TNIP2: variants seen among roughly 807,000 people sequenced by gnomAD.
TNIP2 encodes the protein TNFAIP3 interacting protein 2.
A neutral mutation model predicts 43.7 loss-of-function variants in TNIP2; 30 were observed. That is an observed-to-expected ratio of 0.69 (90% CI 0.51 to 0.93). TNIP2 has a LOEUF of 0.93. Among genes scored for constraint, TNIP2 ranks in the 40% least tolerant of loss-of-function variants. The probability of loss-of-function intolerance (pLI) is 0.00; values close to 1 mark genes in which losing one functional copy is unlikely to be tolerated. For missense variants in TNIP2, 599 were observed against 591.0 expected, an observed-to-expected ratio of 1.01 and a Z score of -0.14; for synonymous variants, 260 against 254.6, an observed-to-expected ratio of 1.02 and a Z score of -0.20.
At position 2,745,500 on chromosome 4, in the gene TNIP2, A is replaced by C. The variant is rs774122704; in HGVS notation, c.603T>G (p.Ser201Arg). ...EHTDGHTSVQSVIEKLQEENR... is the reference protein window; with the variant it reads ...EHTDGHTSVQRVIEKLQEENR... ...TTTCTTCCTGCAACTTCTCAATAAC[A>C]CTCTGGACAGAGGTGTGCCCATCTG... The change falls in exon 3 of 6, where the codon AGT becomes AGG. Residue 201 changes from serine (S) to arginine (R), a missense_variant. Ser to Arg is a moderately radical substitution (Grantham distance 110, BLOSUM62 -1). Coordinates refer to ENST00000315423, the MANE Select transcript of TNIP2 (RefSeq NM_024309.4). 1 of 1,613,726 alleles carries C rather than the reference A, an allele frequency of 6.2e-7. No individual in the cohort carries two copies. The highest frequency in any genetic ancestry group is 8.5e-7 in the Non-Finnish European group (1 of 1,179,858).
chr4:2,742,150 C>T lies in TNIP2; in HGVS notation c.*107G>A. 6.2e-6 allele frequency: 7 copies of T among 1,137,150 alleles called. No homozygotes were observed. Among genetic ancestry groups the T allele is most frequent in the South Asian group, 2.6e-5 (1 of 38,386 alleles). The allele number at this position is 1,137,150 out of a possible 1,614,324, so 70.4% of individuals were successfully genotyped here. A position where few individuals can be genotyped will look rare whatever the true frequency, so the allele number is the denominator to read the frequency against. ...GAGTGCCCCGCAACTATTCTAGGGG[C>T]CTTGGCTCTCAGTAGAGCTCAACCC... On this transcript the variant is annotated 3_prime_UTR_variant, in exon 6 of 6. Coordinates refer to ENST00000315423, the MANE Select transcript of TNIP2 (RefSeq NM_024309.4).
Position 2,755,995 on chromosome 4 carries a change from C to G in TNIP2, c.276+19G>C, listed in dbSNP as rs1237049394. On this transcript the variant is annotated intron_variant, in intron 1 of 5. Transcript: ENST00000315423. Reference sequence around the variant, plus strand: ...ACGCACTCTCGCTCCCGCAGCTCCTCTGGTACCCGCCCTCGTACCTGGCGC... The same window carrying G: ...ACGCACTCTCGCTCCCGCAGCTCCTGTGGTACCCGCCCTCGTACCTGGCGC... 8 of 1,536,422 alleles carry G rather than the reference C, an allele frequency of 5.2e-6. No homozygotes were observed. Among genetic ancestry groups the G allele is most frequent in the African/African-American group, 1.4e-5 (1 of 69,876 alleles).
chr4:2,755,545 C>T (rs1722211294), intron 1 of TNIP2, among the ~76,000 whole-genome samples: 1 of 146,704 alleles, frequency 6.8e-6, no homozygotes, highest in Admixed American at 6.7e-5. Flanking sequence ...AGCCCCCTCA[C>T]CTCCACCAGC....
intron 1 of TNIP2, among the ~76,000 whole-genome samples, chr4:2,752,153 G>A (rs992799238): frequency 1.3e-5 from 2 of 150,102 alleles, no homozygotes; most frequent in Admixed American, 1.3e-4. Flanking sequence ...GAAGAGAAGA[G>A]AAAAGAAAAG....
intron 5 of TNIP2, among the ~76,000 whole-genome samples, chr4:2,743,665 A>G (rs1470616717): frequency 6.6e-6 from 1 of 152,152 alleles, no homozygotes; most frequent in Admixed American, 6.5e-5. Context: ...CCCGGGACGC[A>G]TCGATTCTCA....
In TNIP2 at chr4:2,744,672, C is replaced by T. The variant is rs371032998; in HGVS notation, c.906+25G>A. On this transcript the variant is annotated intron_variant, in intron 4 of 5. Coordinates refer to ENST00000315423, the MANE Select transcript of TNIP2 (RefSeq NM_024309.4). The surrounding 1 kb of genome is among the most constrained non-coding windows in gnomAD (Gnocchi z 5.1). The stretch of plus-strand genomic sequence containing the variant: ...CGGCCAGCAGACATCTGGTCAGTGC[C>T]GTCCGGAGCCCGAGGGACAGACACC... The T allele has an allele frequency of 1.3e-5, 21 of 1,592,916 alleles. No homozygotes were observed. The highest frequency in any genetic ancestry group is 5.3e-5 in the African/African-American group (4 of 74,816).
Position 2,744,588 on chromosome 4 carries a change from C to G in TNIP2, c.907-82G>C. 6.2e-7 allele frequency: 1 copy of G among 1,600,324 alleles called. No individual in the cohort carries two copies. The highest frequency in any genetic ancestry group is 1.1e-5 in the South Asian group (1 of 90,298). On this transcript the variant is annotated intron_variant, in intron 4 of 5. Coordinates refer to ENST00000315423, the MANE Select transcript of TNIP2 (RefSeq NM_024309.4). The surrounding 1 kb of genome is among the most constrained non-coding windows in gnomAD (Gnocchi z 5.1). ...GCTTCTCCCACCCCCACAGTGACCACTGCCCACTCAGTGCCACCAAGCCTT... is the reference window on the plus strand; with the variant it reads ...GCTTCTCCCACCCCCACAGTGACCAGTGCCCACTCAGTGCCACCAAGCCTT...
At chr4:2,752,205 G>A (rs746420916) in intron 1 of TNIP2, among the ~76,000 whole-genome samples, 33 of 152,148 alleles carry the variant, frequency 2.2e-4, no homozygotes, top group Non-Finnish European at 3.1e-4. Context: ...AAGCTAAGCC[G>A]GAAGGGAAAG....
Position 2,748,023 on chromosome 4 carries a change from A to C in TNIP2, c.277-78T>G. On this transcript the variant is annotated intron_variant, in intron 1 of 5. Transcript: ENST00000315423. The stretch of plus-strand genomic sequence containing the variant: ...AGAGCAAATGTTCAGAAAGCAAAAG[A>C]AGACCTGGCGTGGATGCCCCATCAC... The C allele has an allele frequency of 2.0e-6, 3 of 1,503,344 alleles. No individual in the cohort carries two copies. In the Admixed American group the frequency reaches 5.6e-5, roughly 28 times the overall value. 93.1% of individuals were successfully genotyped at this position (1,503,344 alleles called of 1,614,324 possible).
In TNIP2 at chr4:2,744,677, G is replaced by C. The variant is rs777083902; in HGVS notation, c.906+20C>G. On this transcript the variant is annotated intron_variant, in intron 4 of 5. Transcript: ENST00000315423. This position sits in a 1 kb window ranked among gnomAD's most constrained non-coding sequence, Gnocchi z 5.1. ...AGCAGACATCTGGTCAGTGCCGTCCGGAGCCCGAGGGACAGACACCTGCTG... is the reference window on the plus strand; with the variant it reads ...AGCAGACATCTGGTCAGTGCCGTCCCGAGCCCGAGGGACAGACACCTGCTG... The C allele has an allele frequency of 1.9e-6, 3 of 1,594,938 alleles. No individual in the cohort carries two copies. The highest frequency in any genetic ancestry group is 2.6e-6 in the Non-Finnish European group (3 of 1,175,498).
intron 1 of TNIP2, among the ~76,000 whole-genome samples, chr4:2,748,436 A>G (rs1046017657): frequency 1.3e-5 from 2 of 152,104 alleles, no homozygotes; most frequent in Non-Finnish European, 2.9e-5. Flanking sequence ...TCCGCCTCAG[A>G]GGTTCACACC....
At chr4:2,755,877 C>T (rs1722225482) in intron 1 of TNIP2, 137 bp downstream of exon 1, 2 of 1,232,716 alleles carry the variant, frequency 1.6e-6, no homozygotes, top group Non-Finnish European at 2.1e-6. Flanking sequence ...CCTCAGGACC[C>T]GAGGCCAACT....
intron 1 of TNIP2, among the ~76,000 whole-genome samples, chr4:2,752,464 C>T (rs1425153658): frequency 1.3e-5 from 2 of 152,204 alleles, no homozygotes; most frequent in African/African-American, 2.4e-5. Context: ...ACACACTGAC[C>T]GCAGCTTGAT....
In TNIP2 at chr4:2,744,637, C is replaced by T. The variant is rs376297938; in HGVS notation, c.906+60G>A. 4.4e-4 allele frequency: 701 copies of T among 1,581,540 alleles called. 1 individual carries two copies. The highest frequency in any genetic ancestry group is 5.7e-4 in the Non-Finnish European group (668 of 1,167,200). On this transcript the variant is annotated intron_variant, in intron 4 of 5. Transcript: ENST00000315423. This position sits in a 1 kb window ranked among gnomAD's most constrained non-coding sequence, Gnocchi z 5.1. ...TTCAGCCCAGCCTGTCCCATGATTT[C>T]GGCCACCACCGGCCAGCAGACATCT...
chr4:2,755,981 C>T (rs755443971), intron 1 of TNIP2, 33 bp downstream of exon 1: 1 of 1,517,714 alleles, frequency 6.6e-7, no homozygotes, highest in East Asian at 2.7e-5. Context: ...CGCACTCTCG[C>T]TCCCGCAGCT....
chr4:2,748,199 A>T (rs1313120783), intron 1 of TNIP2, among the ~76,000 whole-genome samples: 1 of 151,480 alleles, frequency 6.6e-6, no homozygotes, highest in African/African-American at 2.4e-5. Flanking sequence ...TTTTTGAGAC[A>T]GAGTTTCACT....
chr4:2,750,907 G>C (rs967773095), intron 1 of TNIP2, among the ~76,000 whole-genome samples: 1 of 152,138 alleles, frequency 6.6e-6, no homozygotes, highest in African/African-American at 2.4e-5. Flanking sequence ...CTGAGGGCGT[G>C]GCTCTCTCTT....
chr4:2,747,103 T>C (rs894470822), intron 2 of TNIP2, among the ~76,000 whole-genome samples: 2 of 152,222 alleles, frequency 1.3e-5, no homozygotes, highest in South Asian at 2.1e-4. Flanking sequence ...TCTCCAAGCT[T>C]GCGGGAGGCC....
intron 1 of TNIP2, among the ~76,000 whole-genome samples, chr4:2,752,008 G>A (rs1175646579): frequency 6.6e-6 from 1 of 151,748 alleles, no homozygotes; most frequent in Non-Finnish European, 1.5e-5. Context: ...AGGAGGCTGA[G>A]GCAGGAGAAT....
Sources: gnomAD v4.1 joint callset for allele counts (sites outside exome capture counted in the v4.1 genomes callset) on GRCh38, gnomAD v4.1.1 for gene constraint, Gnocchi (gnomAD v3.1) non-coding constraint, MANE v1.5 for transcripts, NCBI Gene and HGNC (gene_info 2026-07-23, HGNC 2026-07-21) for gene names.